GRM7: variants seen among roughly 807,000 people sequenced by gnomAD.
GRM7 encodes glutamate metabotropic receptor 7.
GRM7 carries 35 observed loss-of-function variants against 84.5 expected under a neutral mutation model. That is an observed-to-expected ratio of 0.41 (90% CI 0.32 to 0.55). GRM7 has a LOEUF of 0.55. Among genes scored for constraint, GRM7 ranks in the 20% least tolerant of loss-of-function variants. The pLI is 0.19. For synonymous variants in GRM7, 487 were observed against 455.1 expected, an observed-to-expected ratio of 1.07 and a Z score of -0.89; for missense variants, 1,003 against 1,194.6, an observed-to-expected ratio of 0.84 and a Z score of 2.36.
chr3:7,401,244 C>T (rs1695435629), intron 4 of GRM7, among the ~76,000 whole-genome samples: 1 of 152,116 alleles, frequency 6.6e-6, no homozygotes, highest in African/African-American at 2.4e-5. Flanking sequence ...GTCGCTGACC[C>T]AGGTAGCAAG....
At chr3:7,666,064 A>ATAAT (rs1305632778) in intron 8 of GRM7, among the ~76,000 whole-genome samples, 2 of 152,152 alleles carry the variant, frequency 1.3e-5, no homozygotes, top group African/African-American at 4.8e-5. Flanking sequence ...GACCGCAATG[A>ATAAT]TAATTACTGA....
chr3:7,322,771 C>T (rs1176230626), intron 4 of GRM7, among the ~76,000 whole-genome samples: 5 of 151,976 alleles, frequency 3.3e-5, no homozygotes, highest in Admixed American at 2.6e-4. Flanking sequence ...TGCCACCTAC[C>T]ACTACTTTCT....
At chr3:7,199,449 G>A (rs200284051) in intron 2 of GRM7, among the ~76,000 whole-genome samples, 7 of 152,156 alleles carry the variant, frequency 4.6e-5, no homozygotes, top group Admixed American at 6.5e-5. Context: ...AAAAAATTCC[G>A]TAAGGTTGTT....
chr3:7,562,193 A>C (rs1021062564), intron 7 of GRM7, among the ~76,000 whole-genome samples: 1 of 152,036 alleles, frequency 6.6e-6, no homozygotes, highest in East Asian at 1.9e-4. Flanking sequence ...CTTGCCAGCT[A>C]TTCACCAGGA....
intron 1 of GRM7, among the ~76,000 whole-genome samples, chr3:6,971,010 A>G (rs926283935): frequency 1.3e-5 from 2 of 151,476 alleles, no homozygotes; most frequent in African/African-American, 2.4e-5. Context: ...AAACAAACAA[A>G]CAAAACCGAG....
intron 7 of GRM7, among the ~76,000 whole-genome samples, chr3:7,512,283 T>C (rs1032262756): frequency 1.3e-5 from 2 of 152,204 alleles, no homozygotes; most frequent in African/African-American, 2.4e-5. Flanking sequence ...TGAGGAGATA[T>C]AGGTGATTTC....
intron 1 of GRM7, among the ~76,000 whole-genome samples, chr3:7,074,189 C>G (rs983037758): frequency 4.6e-5 from 7 of 152,180 alleles, no homozygotes; most frequent in African/African-American, 1.4e-4. Context: ...CAAAATAACA[C>G]TGTGGAGTTG....
intron 1 of GRM7, among the ~76,000 whole-genome samples, chr3:6,930,501 T>C (rs1438908981): frequency 6.6e-6 from 1 of 152,200 alleles, no homozygotes; most frequent in Admixed American, 6.5e-5. Context: ...GCCTTTATAA[T>C]TTTTTGGTGT....
chr3:6,895,400 C>T (rs1176768862), intron 1 of GRM7, among the ~76,000 whole-genome samples: 1 of 152,170 alleles, frequency 6.6e-6, no homozygotes, highest in African/African-American at 2.4e-5. Context: ...TTAGCAACCA[C>T]ACTTGTAATA....
intron 7 of GRM7, among the ~76,000 whole-genome samples, chr3:7,572,595 G>A (rs911179749): frequency 6.2e-4 from 94 of 151,488 alleles, no homozygotes; most frequent in African/African-American, 1.8e-3. Flanking sequence ...TGAAGCGGGC[G>A]GATCACAAGG....
intron 1 of GRM7, among the ~76,000 whole-genome samples, chr3:6,957,027 A>T (rs1322496885): frequency 6.6e-6 from 1 of 152,232 alleles, no homozygotes; most frequent in Non-Finnish European, 1.5e-5. Flanking sequence ...TTCTATTTAT[A>T]TGTATAGATA....
At chr3:7,409,955 G>A (rs1001186430) in intron 4 of GRM7, among the ~76,000 whole-genome samples, 1 of 152,108 alleles carries the variant, frequency 6.6e-6, no homozygotes, top group Non-Finnish European at 1.5e-5. Flanking sequence ...GCCTGAAATA[G>A]TATTTCTCAT....
At chr3:7,577,057 T>G (rs1365298143) in intron 7 of GRM7, among the ~76,000 whole-genome samples, 1 of 152,178 alleles carries the variant, frequency 6.6e-6, no homozygotes, top group African/African-American at 2.4e-5. Context: ...CTAGCCATCT[T>G]TTATCCTGGA....
chr3:7,272,188 G>A (rs111737912), intron 2 of GRM7, among the ~76,000 whole-genome samples: 2 of 151,734 alleles, frequency 1.3e-5, no homozygotes, highest in Non-Finnish European at 2.9e-5. Context: ...TTTATGTCAT[G>A]TTCTTTGACA....
At chr3:7,055,526 TAC>T (rs113055872) in intron 1 of GRM7, among the ~76,000 whole-genome samples, 5,246 of 149,820 alleles carry the variant, frequency 0.035, 287 homozygotes, top group African/African-American at 0.12. Context: ...TATATATACA[TAC>T]ACACACATTT....
At chr3:7,620,140 T>C (rs1455997021) in intron 8 of GRM7, among the ~76,000 whole-genome samples, 2 of 152,230 alleles carry the variant, frequency 1.3e-5, no homozygotes, top group Middle Eastern at 3.4e-3. Flanking sequence ...TGGTTAAGAC[T>C]CATTAGCAGT....
chr3:7,646,089 G>T (rs548465905), intron 8 of GRM7, among the ~76,000 whole-genome samples: 1 of 152,198 alleles, frequency 6.6e-6, no homozygotes, highest in Admixed American at 6.5e-5. Flanking sequence ...CAAAAGAGAA[G>T]TCTTGTGTCC....
chr3:7,029,320 A>AC (rs1559394024), intron 1 of GRM7, among the ~76,000 whole-genome samples: 14 of 151,402 alleles, frequency 9.2e-5, no homozygotes, highest in African/African-American at 3.4e-4. Flanking sequence ...AAAAACAAAA[A>AC]AAAAAAACAA....
intron 8 of GRM7, among the ~76,000 whole-genome samples, chr3:7,649,394 C>A (rs1269552463): frequency 1.3e-5 from 2 of 152,106 alleles, no homozygotes; most frequent in Non-Finnish European, 2.9e-5. Flanking sequence ...AGCCGAAATT[C>A]AAATTTTCTT....
Sources: gnomAD v4.1 joint callset for allele counts (sites outside exome capture counted in the v4.1 genomes callset) on GRCh38, gnomAD v4.1.1 for gene constraint, MANE v1.5 for transcripts, NCBI Gene and HGNC (gene_info 2026-07-23, HGNC 2026-07-21) for gene names.